The following TLK2 variants were observed in gnomAD, a reference collection of about 807,000 sequenced individuals.
TLK2 encodes the protein tousled like kinase 2, also known as serine/threonine-protein kinase tousled-like 2.
Under a neutral mutation model 117.3 loss-of-function variants are expected in TLK2, and 6 were observed. The ratio of observed to expected loss-of-function variants is 0.05; its 90% CI spans 0.03 to 0.10. The LOEUF is 0.10. Among genes scored for constraint, TLK2 ranks in the 10% least tolerant of loss-of-function variants. TLK2 has a pLI of 1.00. For missense variants in TLK2, 299 were observed against 901.2 expected, an observed-to-expected ratio of 0.33 and a Z score of 8.56; for synonymous variants, 257 against 316.7, an observed-to-expected ratio of 0.81 and a Z score of 2.00.
chr17:62,497,737 C>T (rs1289877254), intron 2 of TLK2, among the ~76,000 whole-genome samples: 3 of 152,088 alleles, frequency 2.0e-5, no homozygotes, highest in African/African-American at 4.8e-5. Context: ...TCTTGTTGCC[C>T]GGGCTGGAGT....
At chr17:62,521,988 A>C (rs894167396) in intron 3 of TLK2, among the ~76,000 whole-genome samples, 1 of 152,202 alleles carries the variant, frequency 6.6e-6, no homozygotes, top group African/African-American at 2.4e-5. Flanking sequence ...TCAAGCTCTG[A>C]TATTTTAAGC....
At chr17:62,603,526 C>CT (rs35783634) in intron 19 of TLK2, among the ~76,000 whole-genome samples, 47 of 145,360 alleles carry the variant, frequency 3.2e-4, no homozygotes, top group East Asian at 8.0e-4. Flanking sequence ...TGTGTTTGAT[C>CT]TTTTTTTTTT....
intron 3 of TLK2, 116 bp from the exon 4 acceptor site, chr17:62,522,088 C>G (rs2076084086): frequency 9.3e-7 from 1 of 1,071,752 alleles, no homozygotes. Flanking sequence ...TGATTCAGGA[C>G]TTGTCTGGGC....
chr17:62,604,108 G>A (rs2083081079), intron 19 of TLK2, among the ~76,000 whole-genome samples: 1 of 151,916 alleles, frequency 6.6e-6, no homozygotes, highest in Admixed American at 6.6e-5. Context: ...GAGTTCAAGT[G>A]ATTCTCCTGC....
intron 15 of TLK2, among the ~76,000 whole-genome samples, chr17:62,584,849 T>A (rs936335534): frequency 2.0e-5 from 3 of 152,198 alleles, no homozygotes; most frequent in Admixed American, 6.5e-5. Flanking sequence ...AAAGTAGTGA[T>A]CACCCTATTT....
chr17:62,576,703 T>G lies in TLK2; in HGVS notation c.1122-6T>G. The G allele has an allele frequency of 6.2e-7, 1 of 1,611,500 alleles. No homozygotes were observed. The highest frequency in any genetic ancestry group is 8.5e-7 in the Non-Finnish European group (1 of 1,178,438). On this transcript the variant is annotated splice_polypyrimidine_tract_variant and splice_region_variant and intron_variant, in intron 12 of 21. Transcript: ENST00000346027. Reference sequence around the variant, plus strand: ...GTTTACTGAAACTTTTACCACTGTTTTTCAGGTTAACGTTAGCAGAATACC... The same window carrying G: ...GTTTACTGAAACTTTTACCACTGTTGTTCAGGTTAACGTTAGCAGAATACC...
chr17:62,525,326 G>A (rs2076298028), intron 6 of TLK2, among the ~76,000 whole-genome samples: 1 of 151,924 alleles, frequency 6.6e-6, no homozygotes, highest in Admixed American at 6.6e-5. Flanking sequence ...CCCCTCTACT[G>A]TCTCATAAAA....
chr17:62,566,069 A>G (rs188432480), intron 11 of TLK2, among the ~76,000 whole-genome samples: 1 of 152,192 alleles, frequency 6.6e-6, no homozygotes, highest in Non-Finnish European at 1.5e-5. Context: ...ATTTATTCCA[A>G]TGAGGGAATT....
At chr17:62,509,145 A>G (rs932483607) in intron 2 of TLK2, among the ~76,000 whole-genome samples, 31 of 151,956 alleles carry the variant, frequency 2.0e-4, no homozygotes, top group African/African-American at 4.8e-4. Flanking sequence ...CTAGAGTGCA[A>G]TGGTACAAAC....
At chr17:62,574,125 A>G (rs150249556) in intron 12 of TLK2, among the ~76,000 whole-genome samples, 221 of 152,336 alleles carry the variant, frequency 1.5e-3, no homozygotes, top group Non-Finnish European at 9.3e-4. Flanking sequence ...ATGTTTTCAT[A>G]TTAGTTCACA....
intron 2 of TLK2, among the ~76,000 whole-genome samples, chr17:62,483,072 A>G (rs1350803323): frequency 6.6e-6 from 1 of 152,228 alleles, no homozygotes; most frequent in Non-Finnish European, 1.5e-5. Context: ...AGTAGCTTCA[A>G]ATAGAAGTGA....
chr17:62,514,582 T>C (rs983545359), intron 2 of TLK2, among the ~76,000 whole-genome samples: 12 of 149,828 alleles, frequency 8.0e-5, no homozygotes, highest in Non-Finnish European at 1.5e-4. Flanking sequence ...TAACCTTCTT[T>C]TTTTTTTTTT....
At chr17:62,612,294 A>G in intron 21 of TLK2, 98 bp from the exon 22 acceptor site, 1 of 1,345,280 alleles carries the variant, frequency 7.4e-7, no homozygotes, top group Non-Finnish European at 1.0e-6. Flanking sequence ...TTTAGTTGAT[A>G]TTTGCTCTGG....
intron 2 of TLK2, among the ~76,000 whole-genome samples, chr17:62,510,139 G>A (rs966459627): frequency 6.6e-6 from 1 of 152,126 alleles, no homozygotes; most frequent in African/African-American, 2.4e-5. Context: ...CAGACGTGGT[G>A]GCATGTGCCT....
intron 12 of TLK2, among the ~76,000 whole-genome samples, chr17:62,574,174 G>A (rs200973909): frequency 1.3e-5 from 2 of 152,212 alleles, no homozygotes; most frequent in South Asian, 2.1e-4. Context: ...AATAATACTT[G>A]TATTATATTA....
At chr17:62,484,750 C>T (rs2072132695) in intron 2 of TLK2, among the ~76,000 whole-genome samples, 1 of 152,032 alleles carries the variant, frequency 6.6e-6, no homozygotes, top group South Asian at 2.1e-4. Flanking sequence ...ATCATTATTT[C>T]CCAATAAGAA....
chr17:62,564,240 A>T (rs191840479), intron 10 of TLK2, among the ~76,000 whole-genome samples: 1 of 152,008 alleles, frequency 6.6e-6, no homozygotes, highest in Admixed American at 6.6e-5. Context: ...AGTCTCTACT[A>T]AAAAATACAA....
intron 2 of TLK2, among the ~76,000 whole-genome samples, chr17:62,486,466 A>G (rs1280399166): frequency 6.6e-6 from 1 of 152,010 alleles, no homozygotes; most frequent in Non-Finnish European, 1.5e-5. Context: ...GGCCTGTCCT[A>G]CCTCTTTTTA....
At chr17:62,514,425 T>A (rs532624725) in intron 2 of TLK2, among the ~76,000 whole-genome samples, 3 of 151,096 alleles carry the variant, frequency 2.0e-5, no homozygotes, top group Non-Finnish European at 4.4e-5. Context: ...CTTACAGGTG[T>A]GAGCCACCAT....
Sources: gnomAD v4.1 joint callset for allele counts (sites outside exome capture counted in the v4.1 genomes callset) on GRCh38, gnomAD v4.1.1 for gene constraint, MANE v1.5 for transcripts, NCBI Gene and HGNC (gene_info 2026-07-23, HGNC 2026-07-21) for gene names.